The following DPF3 variants were observed in gnomAD, a reference collection of about 807,000 sequenced individuals.
The protein encoded by DPF3 is zinc finger protein DPF3.
Under a neutral mutation model 56.8 loss-of-function variants are expected in DPF3, and 18 were observed. The observed-to-expected ratio is 0.32, with a 90% CI of 0.22 to 0.47. The LOEUF (loss-of-function observed/expected upper bound fraction) is 0.47, where lower values mean the gene tolerates loss of function less well. Among genes scored for constraint, DPF3 ranks in the 20% least tolerant of loss-of-function variants. The pLI is 1.00. For missense variants in DPF3, 403 were observed against 488.8 expected, an observed-to-expected ratio of 0.82 and a Z score of 1.65; for synonymous variants, 188 against 180.2, an observed-to-expected ratio of 1.04 and a Z score of -0.35.
chr14:72,663,159 G>A (rs1599335938), intron 8 of DPF3, among the ~76,000 whole-genome samples: 2 of 48,320 alleles, frequency 4.1e-5, no homozygotes, highest in South Asian at 3.9e-3. Context: ...GCAGAACTGG[G>A]TGTTAGCAAA....
intron 5 of DPF3, among the ~76,000 whole-genome samples, chr14:72,718,473 C>T (rs1459837245): frequency 6.6e-6 from 1 of 152,206 alleles, no homozygotes; most frequent in Admixed American, 6.5e-5. Context: ...CACTCTCACG[C>T]TCTCACAGGC....
chr14:72,755,983 T>C (rs1368405759), intron 2 of DPF3, among the ~76,000 whole-genome samples: 1 of 152,076 alleles, frequency 6.6e-6, no homozygotes, highest in African/African-American at 2.4e-5. Context: ...ACTCAAAGCA[T>C]GTGTGTGTGT....
intron 1 of DPF3, among the ~76,000 whole-genome samples, chr14:72,800,489 G>GATGGATGGATGGATGC (rs1176144972): frequency 2.6e-5 from 4 of 151,726 alleles, no homozygotes; most frequent in Non-Finnish European, 4.4e-5. Context: ...TGGATGCTTG[G>GATGGATGGATGGATGC]ATGGATGGAT....
intron 8 of DPF3, among the ~76,000 whole-genome samples, chr14:72,653,320 C>T (rs1885969857): frequency 6.6e-6 from 1 of 152,206 alleles, no homozygotes; most frequent in African/African-American, 2.4e-5. Flanking sequence ...TCCGGGCCTC[C>T]ACGGAGTGGA....
chr14:72,756,906 A>AAAAGAAAGAAAGAAAGAAAGAAAGAAAG (rs1233456651), intron 2 of DPF3, among the ~76,000 whole-genome samples: 2,330 of 74,472 alleles, frequency 0.031, 79 homozygotes, highest in Middle Eastern at 0.065. Context: ...AGAAAAGAAA[A>AAAAGAAAGAAAGAAAGAAAGAAAGAAAG]AAAGAAAGAA....
intron 7 of DPF3, among the ~76,000 whole-genome samples, 154 bp from the exon 8 acceptor site, chr14:72,674,522 C>A (rs1055326701): frequency 2.0e-5 from 3 of 152,194 alleles, no homozygotes; most frequent in Admixed American, 2.0e-4. Flanking sequence ...TCTTTTGGAT[C>A]CTTCCGGGTT....
intron 1 of DPF3, among the ~76,000 whole-genome samples, chr14:72,863,863 A>G (rs1183701147): frequency 6.6e-6 from 1 of 152,200 alleles, no homozygotes; most frequent in Non-Finnish European, 1.5e-5. Flanking sequence ...CCTAGAAAGA[A>G]GTCTCGGGCC....
At chr14:72,839,457 C>T (rs1043911870) in intron 1 of DPF3, among the ~76,000 whole-genome samples, 3 of 152,242 alleles carry the variant, frequency 2.0e-5, no homozygotes, top group East Asian at 1.9e-4. Context: ...CCGTGATTAG[C>T]GGGGCTGGGG....
Position 72,617,002 on chromosome 14 carries a change from C to T in DPF3, c.*2295G>A, listed in dbSNP as rs1001929951. 3.3e-5 allele frequency among the ~76,000 whole-genome samples: 5 copies of T among 152,100 alleles called. No homozygotes were observed. Among genetic ancestry groups the T allele is most frequent in the East Asian group, 3.9e-4 (2 of 5,178 alleles). ...AGTAATGAAGCTGAGAGGGGAACTC[C>T]GGGGCCATCCTAACGTCACTCCAGA... On this transcript the variant is annotated 3_prime_UTR_variant, in exon 11 of 11. Transcript: ENST00000556509.
intron 9 of DPF3, among the ~76,000 whole-genome samples, chr14:72,624,275 T>G (rs1445843951): frequency 6.6e-6 from 1 of 151,594 alleles, no homozygotes; most frequent in Non-Finnish European, 1.5e-5. Flanking sequence ...ATTGGTGTAA[T>G]ACTGTTAACT....
At chr14:72,758,243 A>T (rs2139914750) in intron 2 of DPF3, among the ~76,000 whole-genome samples, 1 of 152,332 alleles carries the variant, frequency 6.6e-6, no homozygotes, top group African/African-American at 2.4e-5. Flanking sequence ...GAAAAAAATC[A>T]ACAACAGTTT....
intron 8 of DPF3, chr14:72,661,457 A>T: frequency 1.0e-6 from 1 of 985,324 alleles, no homozygotes. Context: ...TGTTATTATG[A>T]CTCTGCTTAC....
chr14:72,694,407 C>T (rs1472475110), intron 6 of DPF3, among the ~76,000 whole-genome samples: 2 of 152,242 alleles, frequency 1.3e-5, no homozygotes, highest in East Asian at 3.8e-4. Context: ...AGCATAAATG[C>T]TTCACAAGGT....
intron 7 of DPF3, among the ~76,000 whole-genome samples, chr14:72,690,396 TC>T (rs1887620684): frequency 6.6e-6 from 1 of 151,958 alleles, no homozygotes. Context: ...GCAGCACACC[TC>T]CCCGTGCAGC....
At chr14:72,870,088 G>A (rs1885838492) in intron 1 of DPF3, among the ~76,000 whole-genome samples, 1 of 152,148 alleles carries the variant, frequency 6.6e-6, no homozygotes, top group African/African-American at 2.4e-5. Context: ...AAATAACATA[G>A]GGGCCTGGTG....
At chr14:72,673,535 C>T (rs1213761838) in intron 8 of DPF3, among the ~76,000 whole-genome samples, 1 of 152,144 alleles carries the variant, frequency 6.6e-6, no homozygotes, top group Non-Finnish European at 1.5e-5. Flanking sequence ...TTGAACATAA[C>T]CTGAAGACCT....
At chr14:72,680,021 G>A (rs939367435) in intron 7 of DPF3, among the ~76,000 whole-genome samples, 2 of 152,124 alleles carry the variant, frequency 1.3e-5, no homozygotes, top group East Asian at 1.9e-4. Flanking sequence ...TGAGGGCTGC[G>A]GGAGGAGGGA....
chr14:72,678,551 C>T (rs549037327), intron 7 of DPF3, among the ~76,000 whole-genome samples: 50 of 152,302 alleles, frequency 3.3e-4, no homozygotes, highest in Middle Eastern at 3.4e-3. Flanking sequence ...TGGCCTATGG[C>T]CTGACCCAGC....
intron 1 of DPF3, among the ~76,000 whole-genome samples, chr14:72,819,021 A>G (rs1001050311): frequency 6.6e-6 from 1 of 152,256 alleles, no homozygotes. Context: ...GCAATTTAGT[A>G]ATAAGGCAAA....
Sources: gnomAD v4.1 joint callset for allele counts (sites outside exome capture counted in the v4.1 genomes callset) on GRCh38, gnomAD v4.1.1 for gene constraint, MANE v1.5 for transcripts, NCBI Gene and HGNC (gene_info 2026-07-23, HGNC 2026-07-21) for gene names.